OCLN: variants seen among roughly 807,000 people sequenced by gnomAD.
OCLN encodes the protein phosphatase 1, regulatory subunit 115.
Under a neutral mutation model 47.9 loss-of-function variants are expected in OCLN, and 21 were observed. The ratio of observed to expected loss-of-function variants is 0.44; its 90% CI spans 0.31 to 0.63. OCLN has a LOEUF of 0.63. Among genes scored for constraint, OCLN ranks in the 30% least tolerant of loss-of-function variants. The pLI, the probability that OCLN is intolerant of heterozygous loss-of-function variation, is 0.08. For missense variants in OCLN, 360 were observed against 571.0 expected (o/e 0.63, Z 3.77); for synonymous variants, 117 against 198.4 (o/e 0.59, Z 3.45).
At chr5:69,512,674 A>G (rs28489109) in intron 3 of OCLN, among the ~76,000 whole-genome samples, 132,510 of 152,222 alleles carry the variant, frequency 0.87, 57,872 homozygotes, top group African/African-American at 0.91. Context: ...CTTCTGATTC[A>G]TGAACGTAAG....
intron 3 of OCLN, among the ~76,000 whole-genome samples, chr5:69,513,233 C>T (rs1197932632): frequency 6.6e-6 from 1 of 152,198 alleles, no homozygotes; most frequent in Non-Finnish European, 1.5e-5. Context: ...TCAAGTGCCT[C>T]CCAGGCCAAT....
intron 1 of OCLN, among the ~76,000 whole-genome samples, chr5:69,497,730 T>C (rs1289771413): frequency 6.6e-6 from 1 of 152,162 alleles, no homozygotes; most frequent in East Asian, 1.9e-4. Context: ...GAGAGGCACA[T>C]AGTTTAGAAT....
In OCLN at chr5:69,518,821, GAC is replaced by G. The variant is rs370609044; in HGVS notation, c.891+4714_891+4715del. The stretch of plus-strand genomic sequence containing the variant: ...GGTTTGATTGATTGCAAAGAGCTGA[GAC>G]AGGTTACTCCCCATATAGCTAATAA... On this transcript the variant is annotated intron_variant, in intron 4 of 8. Coordinates refer to ENST00000396442, the MANE Select transcript of OCLN (RefSeq NM_001205254.2). Among the ~76,000 whole-genome samples, 207 of 152,272 alleles carry G rather than the reference GAC, an allele frequency of 1.4e-3. 2 individuals carry two copies. The highest frequency in any genetic ancestry group is 3.4e-3 in the Middle Eastern group (1 of 294).
rs1173742816 is a variant in OCLN at position 69,493,536 on chromosome 5, TG to T, written c.-69+642del. On this transcript the variant is annotated intron_variant, in intron 1 of 8. Transcript: ENST00000396442. The surrounding 1 kb of genome is among the most constrained non-coding windows in gnomAD (Gnocchi z 5.3). The stretch of plus-strand genomic sequence containing the variant: ...TGTGTGAACCCGCGTCGATTTAAGC[TG>T]GGGGGCGGGGAGTTAATTTCGAGTG... Among the ~76,000 whole-genome samples the T allele has an allele frequency of 6.6e-6, 1 of 151,790 alleles. No individual in the cohort carries two copies. Among genetic ancestry groups the T allele is most frequent in the East Asian group, 1.9e-4 (1 of 5,152 alleles).
intron 1 of OCLN, among the ~76,000 whole-genome samples, chr5:69,499,622 G>C (rs370468137): frequency 6.6e-6 from 1 of 151,060 alleles, no homozygotes; most frequent in Non-Finnish European, 1.5e-5. Flanking sequence ...GTCTCGCTCC[G>C]TCGCCAGGCT....
At chr5:69,505,228 T>G (rs1245554643) in intron 2 of OCLN, among the ~76,000 whole-genome samples, 2 of 152,058 alleles carry the variant, frequency 1.3e-5, no homozygotes, top group Admixed American at 1.3e-4. Context: ...CTAGACTGGG[T>G]GACAAGAGCA....
At chr5:69,500,406 T>TC (rs1463850609) in intron 1 of OCLN, among the ~76,000 whole-genome samples, 2 of 151,122 alleles carry the variant, frequency 1.3e-5, no homozygotes, top group Non-Finnish European at 3.0e-5. Flanking sequence ...TTCTTTTCTT[T>TC]TTTTTTTTTT....
intron 2 of OCLN, among the ~76,000 whole-genome samples, chr5:69,505,999 T>C (rs562026027): frequency 6.6e-6 from 1 of 152,278 alleles, no homozygotes; most frequent in East Asian, 1.9e-4. Flanking sequence ...CCACTTCACG[T>C]AGCAGCCACA....
intron 4 of OCLN, among the ~76,000 whole-genome samples, chr5:69,531,880 A>C (rs1041865271): frequency 2.6e-5 from 4 of 152,202 alleles, no homozygotes; most frequent in African/African-American, 9.6e-5. Flanking sequence ...AGATGTAAGG[A>C]ATATGTATTG....
intron 4 of OCLN, among the ~76,000 whole-genome samples, chr5:69,515,513 G>A (rs1487944182): frequency 2.8e-5 from 4 of 141,478 alleles, no homozygotes; most frequent in African/African-American, 7.8e-5. Flanking sequence ...CTCCCGGACG[G>A]GGCGGCTGGC....
intron 4 of OCLN, among the ~76,000 whole-genome samples, chr5:69,517,318 T>A (rs76790823): frequency 0.038 from 4,507 of 118,416 alleles, 77 homozygotes; most frequent in East Asian, 0.05. Flanking sequence ...ATATATATTT[T>A]TTTTTTTTTT....
At chr5:69,524,973 G>A (rs1373429717) in intron 4 of OCLN, among the ~76,000 whole-genome samples, 3 of 151,950 alleles carry the variant, frequency 2.0e-5, no homozygotes, top group Non-Finnish European at 2.9e-5. Flanking sequence ...AGGTGTGAGT[G>A]TAATCCCGTG....
intron 1 of OCLN, among the ~76,000 whole-genome samples, chr5:69,496,162 G>A (rs918733056): frequency 4.0e-5 from 6 of 150,668 alleles, no homozygotes; most frequent in African/African-American, 9.8e-5. Flanking sequence ...GCAGTGGCAC[G>A]ATCTTGGCTT....
At chr5:69,510,947 A>G (rs1246385157) in intron 3 of OCLN, among the ~76,000 whole-genome samples, 3 of 152,186 alleles carry the variant, frequency 2.0e-5, no homozygotes, top group African/African-American at 7.2e-5. Context: ...GATGGGTGAG[A>G]AGTGAAGTGG....
chr5:69,555,223 C>G lies in OCLN; in HGVS notation c.*1552C>G, dbSNP rs1359454431. 1 of 132,546 alleles carries G rather than the reference C, an allele frequency of 7.5e-6. No individual in the cohort carries two copies. The highest frequency in any genetic ancestry group is 1.6e-5 in the Non-Finnish European group (1 of 60,614). The allele number at this position is 132,546 out of a possible 1,614,324, so 8.2% of individuals were successfully genotyped here. The stretch of plus-strand genomic sequence containing the variant: ...TGCTGGGATTACAGGCGTGAGCCAC[C>G]ATGCCTGGCCTAAGTGTGTGTGTGT... On this transcript the variant is annotated 3_prime_UTR_variant, in exon 9 of 9. Coordinates refer to ENST00000396442, the MANE Select transcript of OCLN (RefSeq NM_001205254.2).
chr5:69,548,716 T>C (rs1580595412), intron 7 of OCLN, among the ~76,000 whole-genome samples: 1 of 151,336 alleles, frequency 6.6e-6, no homozygotes. Flanking sequence ...CCCCACACTT[T>C]GGGAGGCCAA....
intron 4 of OCLN, among the ~76,000 whole-genome samples, chr5:69,517,760 T>C (rs1769017640): frequency 6.6e-6 from 1 of 152,198 alleles, no homozygotes; most frequent in Admixed American, 6.5e-5. Flanking sequence ...ACGATAGTTC[T>C]TATGTCCCTG....
intron 5 of OCLN, among the ~76,000 whole-genome samples, chr5:69,536,775 T>C (rs1769599348): frequency 6.6e-6 from 1 of 151,814 alleles, no homozygotes; most frequent in African/African-American, 2.4e-5. Flanking sequence ...GAGACCATCC[T>C]GGCTAACAGG....
intron 1 of OCLN, among the ~76,000 whole-genome samples, chr5:69,501,603 G>T (rs1288411887): frequency 1.3e-5 from 2 of 150,498 alleles, no homozygotes; most frequent in African/African-American, 2.4e-5. Flanking sequence ...TTTCATCCTG[G>T]GCAACAGAAT....
Sources: gnomAD v4.1 joint callset for allele counts (sites outside exome capture counted in the v4.1 genomes callset) on GRCh38, gnomAD v4.1.1 for gene constraint, Gnocchi (gnomAD v3.1) non-coding constraint, MANE v1.5 for transcripts, NCBI Gene and HGNC (gene_info 2026-07-23, HGNC 2026-07-21) for gene names.